Variants in CCDC18 observed in about 807,000 individuals in gnomAD.
CCDC18 encodes the protein coiled-coil domain containing 18, also known as coiled-coil domain-containing protein 18.
In CCDC18, 157 loss-of-function variants were observed where a neutral mutation model predicts 196.0. The ratio of observed to expected loss-of-function variants is 0.80; its 90% CI spans 0.70 to 0.91. The LOEUF (loss-of-function observed/expected upper bound fraction) is 0.91, where lower values mean the gene tolerates loss of function less well. CCDC18 is among the 40% of genes least tolerant of loss of function. The probability of loss-of-function intolerance (pLI) is 0.00; values close to 1 mark genes in which losing one functional copy is unlikely to be tolerated. For synonymous variants in CCDC18, 482 were observed against 529.2 expected (o/e 0.91, Z 1.22); for missense variants, 1,465 against 1,611.6 (o/e 0.91, Z 1.56).
At chr1:93,202,140 G>A (rs1189293694) in intron 7 of CCDC18, 152 bp downstream of exon 7, 1 of 536,780 alleles carries the variant, frequency 1.9e-6, no homozygotes, top group Non-Finnish European at 3.3e-6. Context: ...GTAAATGTTA[G>A]TTAAGGATGA....
Position 93,232,427 on chromosome 1 carries a change from T to C in CCDC18, c.2294T>C (p.Val765Ala). The C allele has an allele frequency of 6.4e-7, 1 of 1,562,748 alleles. No individual in the cohort carries two copies. Among genetic ancestry groups the C allele is most frequent in the South Asian group, 1.2e-5 (1 of 86,402 alleles). The change falls in exon 18 of 29, where the codon GTA becomes GCA. Residue 765 changes from valine to alanine, a missense_variant and splice_region_variant. Val to Ala is a moderately conservative substitution (Grantham distance 64). Transcript: ENST00000690025. ...EKQLKKKSEE[V>A]YCLQKELKIK... ...GAGATATATATATATATTTGCCAGGTATATTGTTTACAGAAAGAGCTAAAG... is the reference window on the plus strand; with the variant it reads ...GAGATATATATATATATTTGCCAGGCATATTGTTTACAGAAAGAGCTAAAG...
rs549130937 is a variant in CCDC18 at position 93,266,550 on chromosome 1, G to A, written c.3885+1649G>A. ...AACAAAATTGATAGACCGCTAGCAA[G>A]ACTAATAAAGAAGAAAAGAGAGAAG... On this transcript the variant is annotated intron_variant, in intron 27 of 28. Coordinates refer to ENST00000690025, the MANE Select transcript of CCDC18 (RefSeq NM_001378204.1). 3.9e-4 allele frequency among the ~76,000 whole-genome samples: 59 copies of A among 152,162 alleles called. 2 individuals carry two copies. In the South Asian group the frequency reaches 0.012, roughly 32 times the overall value.
intron 22 of CCDC18, 75 bp downstream of exon 22, chr1:93,246,279 A>AT (rs1661485819): frequency 2.0e-6 from 2 of 1,001,140 alleles, no homozygotes; most frequent in South Asian, 1.9e-5. Flanking sequence ...GAGGTCACCA[A>AT]TTTTTTGTAA....
In CCDC18 at chr1:93,270,420, C is replaced by T; in HGVS notation, c.3959C>T (p.Ala1320Val). 6.5e-7 allele frequency: 1 copy of T among 1,550,360 alleles called. No homozygotes were observed. Among genetic ancestry groups the T allele is most frequent in the Non-Finnish European group, 8.7e-7 (1 of 1,146,842 alleles). Residue 1320 changes from alanine to valine, a missense_variant, in exon 28 of 29, where the codon GCC (alanine) becomes GTC (valine). Transcript: ENST00000690025. ...EKAEDIKFLP[A>V]PFTSPTEIMP... Reference sequence around the variant, plus strand: ...GCAGAAGACATCAAGTTTCTGCCAGCCCCATTTACATCTCCAACAGAAATT... The same window carrying T: ...GCAGAAGACATCAAGTTTCTGCCAGTCCCATTTACATCTCCAACAGAAATT...
chr1:93,204,671 T>C (rs939769696), intron 7 of CCDC18, among the ~76,000 whole-genome samples: 5 of 152,130 alleles, frequency 3.3e-5, no homozygotes, highest in Admixed American at 6.6e-5. Flanking sequence ...TACAAAGTGG[T>C]CATTCCTTTG....
At chr1:93,223,215 G>C (rs949465177) in intron 16 of CCDC18, among the ~76,000 whole-genome samples, 2 of 152,272 alleles carry the variant, frequency 1.3e-5, no homozygotes, top group East Asian at 3.9e-4. Flanking sequence ...ATTTCCGTGT[G>C]TTAATAGCCA....
intron 14 of CCDC18, among the ~76,000 whole-genome samples, chr1:93,218,981 T>C (rs1436989074): frequency 1.3e-5 from 2 of 152,190 alleles, no homozygotes; most frequent in Non-Finnish European, 2.9e-5. Context: ...CTCCAATAAT[T>C]TTAATATTTT....
chr1:93,273,132 A>C (rs1326265628), intron 28 of CCDC18, among the ~76,000 whole-genome samples: 1 of 151,782 alleles, frequency 6.6e-6, no homozygotes, highest in East Asian at 1.9e-4. Context: ...GCAGTGGCGC[A>C]ATCTTGGCTC....
At chr1:93,207,580 CCA>C (rs1654910596) in intron 9 of CCDC18, among the ~76,000 whole-genome samples, 182 bp downstream of exon 9, 1 of 152,018 alleles carries the variant, frequency 6.6e-6, no homozygotes, top group Non-Finnish European at 1.5e-5. Flanking sequence ...ACACTTTTCC[CCA>C]GTTTCTCAGA....
chr1:93,236,978 A>G (rs1478031159), intron 19 of CCDC18, among the ~76,000 whole-genome samples: 1 of 152,240 alleles, frequency 6.6e-6, no homozygotes, highest in Non-Finnish European at 1.5e-5. Flanking sequence ...AGCTGAAAGC[A>G]GTACCCAGCC....
rs777679212 is a variant in CCDC18 at position 93,183,436 on chromosome 1, A to G, written c.75A>G (p.Leu25=). 33 of 1,608,476 alleles carry G rather than the reference A, an allele frequency of 2.1e-5. No homozygotes were observed. The highest frequency in any genetic ancestry group is 2.7e-5 in the Non-Finnish European group (32 of 1,176,776). ...GTTTGCTTGCAAATGTTGCTTCCTT[A>G]AGACATGAACTGAAGATAACAGAAT... The part of the protein sequence containing the change: ...EESLLANVAS[L]RHELKITEWS... The change falls in exon 2 of 29, where the codon TTA becomes TTG. Residue 25 remains leucine, a synonymous_variant. Coordinates refer to ENST00000690025, the MANE Select transcript of CCDC18 (RefSeq NM_001378204.1).
intron 18 of CCDC18, among the ~76,000 whole-genome samples, chr1:93,234,875 C>T (rs560710014): frequency 8.0e-5 from 12 of 150,186 alleles, no homozygotes; most frequent in South Asian, 2.1e-4. Context: ...CTCAACTTCC[C>T]TGGGCTCAGG....
intron 7 of CCDC18, among the ~76,000 whole-genome samples, chr1:93,202,709 T>G (rs1654039863): frequency 6.6e-6 from 1 of 152,224 alleles, no homozygotes; most frequent in Non-Finnish European, 1.5e-5. Context: ...TAAACAATCA[T>G]GAAATTCCTT....
chr1:93,264,870 T>C lies in CCDC18; in HGVS notation c.3854T>C (p.Ile1285Thr), dbSNP rs199565263. ...CAAGTCCAAGATAGGAATGAAGTAA[T>C]TGAAGCTGCAAATGAAGCATTACTT... is the stretch of plus-strand genomic sequence containing the variant. ...HQQVQDRNEVIEAANEALLTK... is the reference protein window; with the variant it reads ...HQQVQDRNEVTEAANEALLTK... Residue 1285 changes from isoleucine to threonine, a missense_variant, in exon 27 of 29, where the codon ATT (isoleucine) becomes ACT (threonine). Coordinates refer to ENST00000690025, the MANE Select transcript of CCDC18 (RefSeq NM_001378204.1). The C allele has an allele frequency of 3.2e-5, 52 of 1,612,674 alleles. No individual in the cohort carries two copies. The highest frequency in any genetic ancestry group is 1.7e-4 in the Middle Eastern group (1 of 6,048).
rs749152848 is a variant in CCDC18, at chr1:93,270,288, G to C, written c.3886-59G>C. On this transcript the variant is annotated intron_variant, in intron 27 of 28. Transcript: ENST00000690025. ...TTCTAAAAGTCTATGATTTTCTAAG[G>C]AGTTCATTCATTTAACAAAAATGTA... is the stretch of plus-strand genomic sequence containing the variant. 364 of 885,424 alleles carry C rather than the reference G, an allele frequency of 4.1e-4. 5 individuals are homozygous for C. The South Asian group carries it at 5.6e-3, about 14-fold the overall frequency. The allele number at this position is 885,424 out of a possible 1,614,324, so 54.8% of individuals were successfully genotyped here. A position where few individuals can be genotyped will look rare whatever the true frequency, so the allele number is the denominator to read the frequency against.
At chr1:93,202,344 T>C (rs1015403054) in intron 7 of CCDC18, among the ~76,000 whole-genome samples, 38 of 152,302 alleles carry the variant, frequency 2.5e-4, no homozygotes, top group African/African-American at 8.7e-4. Flanking sequence ...TTTCAACTGG[T>C]CTCCCTCAGT....
intron 28 of CCDC18, among the ~76,000 whole-genome samples, chr1:93,272,942 A>T (rs1429154282): frequency 1.6e-5 from 2 of 121,542 alleles, no homozygotes; most frequent in Non-Finnish European, 3.3e-5. Flanking sequence ...GCAGTAGAGG[A>T]GTTGGTCTTG....
intron 4 of CCDC18, chr1:93,190,799 A>T: frequency 1.4e-6 from 1 of 690,548 alleles, no homozygotes; most frequent in Non-Finnish European, 2.7e-6. Flanking sequence ...GAAAGCTTGC[A>T]TCTTTTAATA....
chr1:93,191,480 TTA>T (rs770332583), intron 4 of CCDC18, among the ~76,000 whole-genome samples: 1 of 152,322 alleles, frequency 6.6e-6, no homozygotes, highest in East Asian at 1.9e-4. Context: ...TCAGTGATAG[TTA>T]TCTTATTGAT....
Sources: allele counts gnomAD v4.1 joint callset (sites outside exome capture counted in the v4.1 genomes callset), GRCh38; gene constraint gnomAD v4.1.1; transcripts MANE v1.5; gene names NCBI Gene and HGNC (gene_info 2026-07-23, HGNC 2026-07-21).